Variants in TAOK3 observed in about 807,000 individuals in gnomAD.
The protein encoded by TAOK3 is TAO kinase 3, also known as serine/threonine-protein kinase TAO3.
In TAOK3, 40 loss-of-function variants were observed where a neutral mutation model predicts 120.4. The ratio of observed to expected loss-of-function variants is 0.33; its 90% CI spans 0.26 to 0.43. The LOEUF is 0.43. Among genes scored for constraint, TAOK3 ranks in the 20% least tolerant of loss-of-function variants. TAOK3 has a pLI of 1.00. For missense variants in TAOK3, 821 were observed against 1,112.1 expected (o/e 0.74, Z 3.72); for synonymous variants, 355 against 387.5 (o/e 0.92, Z 0.99).
intron 1 of TAOK3, among the ~76,000 whole-genome samples, chr12:118,289,813 G>A (rs766275371): frequency 6.6e-6 from 1 of 151,968 alleles, no homozygotes; most frequent in Non-Finnish European, 1.5e-5. Flanking sequence ...TGGCAAACAT[G>A]GCGAAACCCC....
At position 118,369,021 on chromosome 12, in the gene TAOK3, AAAGAAG is replaced by A. The variant is rs1166887233; in HGVS notation, c.-194+3621_-194+3626del. On this transcript the variant is annotated intron_variant, in intron 1 of 20. Transcript: ENST00000392533. ...TAAAAATAGAAAAAAAAAAAAAAAA[AAAGAAG>A]AAGAAGAAGAAAAAGCCAGGCGTGA... is the stretch of plus-strand genomic sequence containing the variant. Among the ~76,000 whole-genome samples, 10 of 146,900 alleles carry A rather than the reference AAAGAAG, an allele frequency of 6.8e-5. No homozygotes were observed. The South Asian group carries it at 1.9e-3, about 28-fold the overall frequency.
intron 3 of TAOK3, among the ~76,000 whole-genome samples, chr12:118,254,952 C>T (rs1178928226): frequency 4.0e-5 from 6 of 151,792 alleles, no homozygotes; most frequent in South Asian, 2.1e-4. Context: ...TTAGTAGAGA[C>T]GGGGTTTCAC....
intron 1 of TAOK3, among the ~76,000 whole-genome samples, chr12:118,358,744 G>T (rs966536955): frequency 9.9e-5 from 15 of 152,124 alleles, no homozygotes; most frequent in African/African-American, 3.6e-4. Context: ...ATTAAATAGA[G>T]CACATGAATC....
chr12:118,296,816 G>C (rs2042698737), intron 1 of TAOK3: 2 of 152,144 alleles, frequency 1.3e-5, no homozygotes, highest in African/African-American at 4.8e-5. Flanking sequence ...ACATAACGTA[G>C]GTAGGAGGAA....
chr12:118,167,366 G>A (rs76541583), intron 17 of TAOK3, among the ~76,000 whole-genome samples: 1,629 of 151,850 alleles, frequency 0.011, 55 homozygotes, highest in East Asian at 0.065. Flanking sequence ...TTTGACCCAG[G>A]AATTCCACTT....
intron 1 of TAOK3, among the ~76,000 whole-genome samples, chr12:118,298,497 A>G (rs1011636476): frequency 2.6e-5 from 4 of 152,212 alleles, no homozygotes; most frequent in Admixed American, 6.5e-5. Flanking sequence ...ATAGACAAAA[A>G]ACTAACAAAT....
intron 1 of TAOK3, among the ~76,000 whole-genome samples, chr12:118,369,710 T>C (rs2045844985): frequency 6.6e-6 from 1 of 152,170 alleles, no homozygotes; most frequent in Admixed American, 6.5e-5. Context: ...CCGACCTTAT[T>C]TTTACTTGAA....
chr12:118,207,093 G>A (rs1466839632), intron 11 of TAOK3, among the ~76,000 whole-genome samples: 1 of 152,044 alleles, frequency 6.6e-6, no homozygotes, highest in Non-Finnish European at 1.5e-5. Context: ...TTGGGAGGCC[G>A]AGGAGGGTGG....
At chr12:118,313,842 C>T (rs961646242) in intron 1 of TAOK3, among the ~76,000 whole-genome samples, 3 of 152,146 alleles carry the variant, frequency 2.0e-5, no homozygotes, top group Admixed American at 1.3e-4. Flanking sequence ...TCTTACTTGG[C>T]GACTGAGTCA....
In TAOK3 at chr12:118,201,390, C is replaced by A; in HGVS notation, c.893G>T (p.Arg298Leu). 2 of 1,614,066 alleles carry A rather than the reference C, an allele frequency of 1.2e-6. No individual in the cohort carries two copies. Among genetic ancestry groups the A allele is most frequent in the Non-Finnish European group, 1.7e-6 (2 of 1,179,968 alleles). Residue 298 changes from arginine to leucine, a missense_variant, in exon 12 of 21, where the codon CGT (arginine) becomes CTT (leucine). Arg to Leu is a moderately radical substitution (Grantham distance 102, BLOSUM62 -2). This residue lies in a region of TAOK3 where 467 missense variants were observed against 540.0 expected (regional missense o/e 0.86). Transcript: ENST00000392533. ...DLIQRTKDAV[R>L]ELDNLQYRKM... ...TCGGTACTGTAGGTTATCTAGCTCA[C>A]GAACTGCATCTTTTGTCCTCTGTAT...
chr12:118,201,556 T>C (rs953280095), intron 11 of TAOK3, 93 bp from the exon 12 acceptor site: 2 of 1,105,170 alleles, frequency 1.8e-6, no homozygotes, highest in Non-Finnish European at 1.2e-6. Flanking sequence ...AATCATAAAA[T>C]AGTTCTATGG....
At chr12:118,330,502 A>T (rs1486980499) in intron 1 of TAOK3, among the ~76,000 whole-genome samples, 1 of 152,154 alleles carries the variant, frequency 6.6e-6, no homozygotes, top group Non-Finnish European at 1.5e-5. Flanking sequence ...GGCACTCTCC[A>T]GATGGTTAAG....
At position 118,262,463 on chromosome 12, in the gene TAOK3, C is replaced by T. The variant is rs560815566; in HGVS notation, c.-89+4192G>A. Among the ~76,000 whole-genome samples, 170 of 151,904 alleles carry T rather than the reference C, an allele frequency of 1.1e-3. 1 individual carries two copies. Among genetic ancestry groups the T allele is most frequent in the Non-Finnish European group, 2.1e-3 (140 of 67,982 alleles). ...CACTACTACACTCTAGCCGGGGCGA[C>T]AGGGCGAGACTCCATCTCAAAGAGA... is the stretch of plus-strand genomic sequence containing the variant. On this transcript the variant is annotated intron_variant, in intron 2 of 20. Transcript: ENST00000392533.
At chr12:118,192,702 A>T (rs1265439723) in intron 13 of TAOK3, among the ~76,000 whole-genome samples, 1 of 152,262 alleles carries the variant, frequency 6.6e-6, no homozygotes, top group Non-Finnish European at 1.5e-5. Context: ...TCTGTTGGTT[A>T]TACTGCCCCT....
chr12:118,176,940 T>A (rs942684403), intron 16 of TAOK3, among the ~76,000 whole-genome samples: 2 of 152,124 alleles, frequency 1.3e-5, no homozygotes, highest in Admixed American at 6.5e-5. Flanking sequence ...CTAATTTTTG[T>A]ATTTTTAGTA....
At chr12:118,322,183 C>T (rs565909536) in intron 1 of TAOK3, among the ~76,000 whole-genome samples, 1 of 151,696 alleles carries the variant, frequency 6.6e-6, no homozygotes, top group South Asian at 2.1e-4. Flanking sequence ...GGTGTGGTGG[C>T]CCATGTCTAT....
At chr12:118,363,018 CAAAAAAAAA>C (rs60475060) in intron 1 of TAOK3, among the ~76,000 whole-genome samples, 3 of 45,880 alleles carry the variant, frequency 6.5e-5, no homozygotes, top group South Asian at 9.6e-4. Context: ...GACTCCGTAT[CAAAAAAAAA>C]AAAAAAAAAA....
At chr12:118,318,209 G>A (rs991798961) in intron 1 of TAOK3, among the ~76,000 whole-genome samples, 1 of 150,116 alleles carries the variant, frequency 6.7e-6, no homozygotes, top group Non-Finnish European at 1.5e-5. Context: ...CCAGGCTGGA[G>A]CGCAATGACG....
In TAOK3 at chr12:118,177,299, A is replaced by G. The variant is rs2036403289; in HGVS notation, c.1597T>C (p.Phe533Leu). ...TGCTGGGCCAAGATCTGTTGCTGGA[A>G]CTTCTTCTCATCTGCTGCAGCTACC... Reference protein sequence around the residue: ...AKVAAADEKKFQQQILAQQKK... With the variant: ...AKVAAADEKKLQQQILAQQKK... The change falls in exon 16 of 21, where the codon TTC becomes CTC. Residue 533 changes from phenylalanine (F) to leucine (L), a missense_variant. Coordinates refer to ENST00000392533, the MANE Select transcript of TAOK3 (RefSeq NM_016281.4). The G allele has an allele frequency of 6.8e-6, 11 of 1,613,628 alleles. No individual in the cohort carries two copies. Among genetic ancestry groups the G allele is most frequent in the African/African-American group, 1.3e-5 (1 of 74,882 alleles).
Sources: gnomAD v4.1 joint callset for allele counts (sites outside exome capture counted in the v4.1 genomes callset) on GRCh38, gnomAD v4.1.1 for gene constraint, gnomAD v4.1.1 regional missense constraint, MANE v1.5 for transcripts, NCBI Gene and HGNC (gene_info 2026-07-23, HGNC 2026-07-21) for gene names.